Variants in RBFOX1 observed in about 807,000 individuals in gnomAD.
RBFOX1 encodes the protein RNA binding protein fox-1 homolog 1.
Under a neutral mutation model 57.7 loss-of-function variants are expected in RBFOX1, and 8 were observed. The observed-to-expected ratio is 0.14, with a 90% confidence interval of 0.08 to 0.25. The LOEUF is 0.25. RBFOX1 is among the 10% of genes least tolerant of loss of function. The pLI is 1.00. For synonymous variants in RBFOX1, 326 were observed against 222.4 expected (o/e 1.47, Z -4.15); for missense variants, 611 against 548.5 (o/e 1.11, Z -1.14).
chr16:6,750,564 C>A (rs113955245), intron 3 of RBFOX1, among the ~76,000 whole-genome samples: 2,177 of 152,332 alleles, frequency 0.014, 27 homozygotes, highest in Middle Eastern at 0.027. Context: ...GGTGACCGAA[C>A]TATGGTATCT....
chr16:5,491,310 A>G (rs1475626379), intron 2 of RBFOX1, among the ~76,000 whole-genome samples: 4 of 151,994 alleles, frequency 2.6e-5, no homozygotes, highest in Admixed American at 2.6e-4. Flanking sequence ...CTCGGCAGCC[A>G]CCCTCCCAAG....
intron 4 of RBFOX1, among the ~76,000 whole-genome samples, chr16:7,180,237 A>T (rs1371518551): frequency 6.6e-6 from 1 of 152,204 alleles, no homozygotes; most frequent in Non-Finnish European, 1.5e-5. Flanking sequence ...GATAATTTTT[A>T]AATGCGTTTT....
intron 3 of RBFOX1, among the ~76,000 whole-genome samples, chr16:5,740,742 G>A (rs753849274): frequency 6.6e-6 from 1 of 152,136 alleles, no homozygotes; most frequent in Non-Finnish European, 1.5e-5. Context: ...AGGGCTGTGG[G>A]TACTCTAATC....
rs983907837 is a variant in RBFOX1, at chr16:6,971,677, A to G, written c.-15-80380A>G. Among the ~76,000 whole-genome samples, 3 of 152,150 alleles carry G rather than the reference A, an allele frequency of 2.0e-5. No homozygotes were observed. The East Asian group carries it at 5.8e-4, about 29-fold the overall frequency. ...GGAAGCCATTGCAATAGTCCTGGAT[A>G]GAGATGACTGTTGTTGGGGTTAGGG... On this transcript the variant is annotated intron_variant, in intron 3 of 15. Transcript: ENST00000550418.
chr16:6,930,947 A>G (rs1437305173), intron 3 of RBFOX1, among the ~76,000 whole-genome samples: 3 of 151,952 alleles, frequency 2.0e-5, no homozygotes, highest in African/African-American at 7.3e-5. Context: ...ATATATATAT[A>G]TAGTATCCCA....
intron 5 of RBFOX1, among the ~76,000 whole-genome samples, chr16:7,563,295 T>C (rs2090868925): frequency 6.6e-6 from 1 of 152,192 alleles, no homozygotes; most frequent in Admixed American, 6.5e-5. Flanking sequence ...TTGGGGTAGA[T>C]GCCAATAGTA....
At chr16:5,404,552 A>G (rs1439170114) in intron 1 of RBFOX1, among the ~76,000 whole-genome samples, 1 of 152,176 alleles carries the variant, frequency 6.6e-6, no homozygotes, top group East Asian at 1.9e-4. Context: ...AGGACAGAGG[A>G]TAGCTGTATC....
chr16:6,842,673 C>A lies in RBFOX1; in HGVS notation c.-16+188023C>A, dbSNP rs759784948. On this transcript the variant is annotated intron_variant, in intron 3 of 15. Coordinates refer to ENST00000550418, the MANE Select transcript of RBFOX1 (RefSeq NM_018723.4). ...TTTGCTTTTTTTTTTTTTAATTTTA[C>A]TTCAAGTTCTGGGATACATGTGTAG... 5.2e-3 allele frequency among the ~76,000 whole-genome samples: 654 copies of A among 126,928 alleles called. 5 individuals carry two copies. Among genetic ancestry groups the A allele is most frequent in the Admixed American group, 7.2e-3 (90 of 12,530 alleles). The allele number at this position is 126,928 out of a possible 152,430, so 83.3% of individuals were successfully genotyped here.
chr16:7,636,956 G>A (rs572090497), intron 11 of RBFOX1, among the ~76,000 whole-genome samples: 1 of 152,186 alleles, frequency 6.6e-6, no homozygotes, highest in Admixed American at 6.5e-5. Context: ...CCTCTCAAAA[G>A]GCCCCATTTC....
chr16:7,519,896 G>GT (rs1345795200), intron 5 of RBFOX1: 2 of 258,502 alleles, frequency 7.7e-6, no homozygotes, highest in African/African-American at 4.6e-5. Context: ...TTTTGTTTTT[G>GT]TTTTTTTGAG....
intron 4 of RBFOX1, among the ~76,000 whole-genome samples, chr16:7,113,054 C>A (rs1337342456): frequency 2.0e-5 from 3 of 152,188 alleles, no homozygotes; most frequent in African/African-American, 7.2e-5. Context: ...GCCTTGCAAC[C>A]TGGACAGAAT....
At chr16:5,715,713 G>A (rs1358940508) in intron 3 of RBFOX1, among the ~76,000 whole-genome samples, 1 of 152,220 alleles carries the variant, frequency 6.6e-6, no homozygotes, top group Non-Finnish European at 1.5e-5. Context: ...GCAATGTGCT[G>A]AGGTTGGGGG....
At chr16:7,036,351 G>A (rs1247963313) in intron 3 of RBFOX1, among the ~76,000 whole-genome samples, 6 of 152,114 alleles carry the variant, frequency 3.9e-5, no homozygotes, top group East Asian at 3.9e-4. Context: ...GTTTTCTACC[G>A]CTGTGTTATA....
At chr16:6,864,995 C>CTTTTTTTTTTTTTTTT (rs34341448) in intron 3 of RBFOX1, among the ~76,000 whole-genome samples, 5 of 82,566 alleles carry the variant, frequency 6.1e-5, no homozygotes, top group African/African-American at 2.8e-4. Context: ...TTTTCTTTTT[C>CTTTTTTTTTTTTTTTT]TTTTTTTTTT....
chr16:5,401,266 C>A (rs926147075), intron 1 of RBFOX1, among the ~76,000 whole-genome samples: 5 of 152,188 alleles, frequency 3.3e-5, no homozygotes, highest in Non-Finnish European at 7.3e-5. Flanking sequence ...GAGGATCTAA[C>A]TTGATTTTAT....
intron 11 of RBFOX1, among the ~76,000 whole-genome samples, chr16:7,644,739 T>C (rs1373525488): frequency 6.6e-6 from 1 of 152,184 alleles, no homozygotes; most frequent in Non-Finnish European, 1.5e-5. Flanking sequence ...ATAAGGAAGT[T>C]GAAATCAACT....
At chr16:7,424,283 G>A (rs1056045453) in intron 4 of RBFOX1, among the ~76,000 whole-genome samples, 1 of 77,562 alleles carries the variant, frequency 1.3e-5, no homozygotes, top group Non-Finnish European at 4.0e-5. Context: ...TATGGGGGTG[G>A]GGGTCTAGCT....
intron 4 of RBFOX1, among the ~76,000 whole-genome samples, chr16:7,163,066 T>C (rs1450702052): frequency 6.6e-6 from 1 of 152,212 alleles, no homozygotes; most frequent in African/African-American, 2.4e-5. Context: ...GCCCATCTTG[T>C]TTATCTGCCA....
intron 4 of RBFOX1, among the ~76,000 whole-genome samples, chr16:7,151,875 T>A (rs1030435783): frequency 6.6e-6 from 1 of 152,122 alleles, no homozygotes; most frequent in Non-Finnish European, 1.5e-5. Context: ...CCTATGAGAA[T>A]GTAATGCTGC....
Sources: allele counts gnomAD v4.1 joint callset (sites outside exome capture counted in the v4.1 genomes callset), GRCh38; gene constraint gnomAD v4.1.1; transcripts MANE v1.5; gene names NCBI Gene and HGNC (gene_info 2026-07-23, HGNC 2026-07-21).